The following CUX1 variants were observed in gnomAD, a reference collection of about 807,000 sequenced individuals.
CUX1 encodes cut like homeobox 1, also known as protein CASP.
CUX1 carries 31 observed loss-of-function variants against 158.8 expected under a neutral mutation model. The observed-to-expected ratio is 0.20, with a 90% CI of 0.15 to 0.26. The LOEUF (loss-of-function observed/expected upper bound fraction) is 0.26, where lower values mean the gene tolerates loss of function less well. Among genes scored for constraint, CUX1 ranks in the 10% least tolerant of loss-of-function variants. The pLI, the probability that CUX1 is intolerant of heterozygous loss-of-function variation, is 1.00. For missense variants in CUX1, 1,589 were observed against 2,014.6 expected, an observed-to-expected ratio of 0.79 and a Z score of 4.04; for synonymous variants, 879 against 862.1, an observed-to-expected ratio of 1.02 and a Z score of -0.34.
rs1024219535 is a variant in CUX1 at position 102,121,416 on chromosome 7, G to A, written c.674+6143G>A. ...GCTGGAGTGCAGTGGCACGATCTTGGCTCACGGCATCCTCCGCCTCCCGGG... is the reference window on the plus strand; with the variant it reads ...GCTGGAGTGCAGTGGCACGATCTTGACTCACGGCATCCTCCGCCTCCCGGG... On this transcript the variant is annotated intron_variant, in intron 8 of 23. Transcript: ENST00000292535. 8.6e-5 allele frequency among the ~76,000 whole-genome samples: 13 copies of A among 151,872 alleles called. No individual in the cohort carries two copies. The Middle Eastern group carries it at 0.014, about 160-fold the overall frequency.
At chr7:102,123,353 TA>T (rs782552371) in intron 8 of CUX1, among the ~76,000 whole-genome samples, 20 of 152,114 alleles carry the variant, frequency 1.3e-4, no homozygotes, top group Non-Finnish European at 1.9e-4. Flanking sequence ...CTCATGCCTG[TA>T]ATCCCAGCAC....
chr7:102,017,764 T>C (rs1818821037), intron 2 of CUX1, among the ~76,000 whole-genome samples: 2 of 152,048 alleles, frequency 1.3e-5, no homozygotes, highest in African/African-American at 4.8e-5. Context: ...TGAGAATCGC[T>C]TGAGCCTGGG....
intron 2 of CUX1, among the ~76,000 whole-genome samples, chr7:101,964,957 C>T (rs1394222763): frequency 6.6e-6 from 1 of 152,172 alleles, no homozygotes; most frequent in Non-Finnish European, 1.5e-5. Context: ...TTTCTCTTTC[C>T]AACACCAGTG....
At chr7:102,237,336 T>C (rs1479468844) in intron 22 of CUX1, among the ~76,000 whole-genome samples, 4 of 152,018 alleles carry the variant, frequency 2.6e-5, no homozygotes, top group Admixed American at 2.0e-4. Flanking sequence ...CAAGTGATCC[T>C]CCCGTCCCAG....
At chr7:102,283,807 A>C (rs8950) in exon 23 of CUX1, 137,262 of 152,432 alleles carry the variant, frequency 0.9, 62,000 homozygotes, top group African/African-American at 0.97. Flanking sequence ...ATGGATTGGT[A>C]TGAGGGGTCT....
intron 8 of CUX1, among the ~76,000 whole-genome samples, chr7:102,142,062 G>T (rs1554500507): frequency 1.3e-5 from 2 of 152,104 alleles, no homozygotes; most frequent in African/African-American, 2.4e-5. Context: ...ATGCCCTTGA[G>T]CCCATGCACC....
chr7:101,969,925 T>G (rs1451654982), intron 2 of CUX1, among the ~76,000 whole-genome samples: 1 of 150,726 alleles, frequency 6.6e-6, no homozygotes, highest in Non-Finnish European at 1.5e-5. Flanking sequence ...CACGGTCCCC[T>G]TTCTCCTTCC....
intron 1 of CUX1, among the ~76,000 whole-genome samples, chr7:101,826,767 G>A (rs894684634): frequency 6.6e-6 from 1 of 152,060 alleles, no homozygotes; most frequent in Non-Finnish European, 1.5e-5. Flanking sequence ...CAGAACAGTC[G>A]TGGGGTGGCC....
chr7:102,078,322 C>T (rs11772492), intron 4 of CUX1, among the ~76,000 whole-genome samples: 2 of 152,110 alleles, frequency 1.3e-5, no homozygotes, highest in African/African-American at 2.4e-5. Context: ...GCAATCCTCC[C>T]GCCTCGGCCT....
chr7:101,891,860 A>G (rs1800906782), intron 1 of CUX1, among the ~76,000 whole-genome samples: 1 of 152,212 alleles, frequency 6.6e-6, no homozygotes, highest in Non-Finnish European at 1.5e-5. Context: ...TGGGTATTGA[A>G]TTTCTGTGTG....
Position 101,914,822 on chromosome 7 carries a change from G to A in CUX1, c.31-1293G>A, listed in dbSNP as rs574605503. On this transcript the variant is annotated intron_variant, in intron 1 of 23. Transcript: ENST00000292535. ...CCTGTCCATGATTTGTAAGTTGACA[G>A]CATGATTTCATCCCATCCGGCATGG... 5.3e-5 allele frequency among the ~76,000 whole-genome samples: 8 copies of A among 152,226 alleles called. No homozygotes were observed. In the South Asian group the frequency reaches 1.7e-3, roughly 32 times the overall value.
At chr7:102,082,918 G>A (rs1210206352) in intron 4 of CUX1, among the ~76,000 whole-genome samples, 1 of 147,718 alleles carries the variant, frequency 6.8e-6, no homozygotes, top group Non-Finnish European at 1.5e-5. Flanking sequence ...TCATGGAGAA[G>A]TTGTTACATA....
At chr7:102,001,960 A>G (rs1445248457) in intron 2 of CUX1, among the ~76,000 whole-genome samples, 4 of 152,170 alleles carry the variant, frequency 2.6e-5, no homozygotes, top group Non-Finnish European at 5.9e-5. Flanking sequence ...TTGATTTACA[A>G]CTGTGACTAA....
intron 8 of CUX1, among the ~76,000 whole-genome samples, chr7:102,152,692 G>A (rs868972081): frequency 2.0e-5 from 3 of 152,154 alleles, no homozygotes; most frequent in Admixed American, 6.5e-5. Context: ...GCATCTGGCC[G>A]ACTTTTAAAA....
intron 2 of CUX1, among the ~76,000 whole-genome samples, chr7:102,013,993 A>G (rs1358502001): frequency 6.6e-6 from 1 of 152,144 alleles, no homozygotes; most frequent in Non-Finnish European, 1.5e-5. Context: ...GCATGCATCA[A>G]CATGCCCAGC....
At chr7:102,028,659 C>G (rs1820343532) in intron 3 of CUX1, among the ~76,000 whole-genome samples, 1 of 152,204 alleles carries the variant, frequency 6.6e-6, no homozygotes, top group Admixed American at 6.5e-5. Context: ...TCTAACGGAT[C>G]CTTCCAGAGA....
intron 1 of CUX1, among the ~76,000 whole-genome samples, chr7:101,890,994 T>G (rs1189717595): frequency 6.6e-6 from 1 of 152,098 alleles, no homozygotes; most frequent in Non-Finnish European, 1.5e-5. Flanking sequence ...AGGATTTTTT[T>G]TTTGAGCGGG....
At chr7:102,242,694 T>A (rs1554535358) in intron 23 of CUX1, among the ~76,000 whole-genome samples, 1 of 152,198 alleles carries the variant, frequency 6.6e-6, no homozygotes, top group Non-Finnish European at 1.5e-5. Flanking sequence ...TCCCTGGCCC[T>A]GCTGGAGCCA....
In CUX1 at chr7:102,248,630, C is replaced by CGGCGGAGCA. The variant is rs1801091248; in HGVS notation, c.4108_4116dup (p.Ala1370_Gln1372dup). ...GCCGAGCGGGAGGAGGTGCCGCGGC[C>CGGCGGAGCA]GGCGGAGCAGACGGAGCCGCCGCCC... On this transcript the variant is annotated inframe_insertion, in exon 24 of 24. Coordinates refer to ENST00000292535, the MANE Select transcript of CUX1 (RefSeq NM_181552.4). The surrounding 1 kb of genome is among the most constrained non-coding windows in gnomAD (Gnocchi z 5.8). 7.1e-7 allele frequency: 1 copy of CGGCGGAGCA among 1,417,148 alleles called. No homozygotes were observed. Among genetic ancestry groups the CGGCGGAGCA allele is most frequent in the African/African-American group, 1.5e-5 (1 of 65,340 alleles). The allele number at this position is 1,417,148 out of a possible 1,614,324, so 87.8% of individuals were successfully genotyped here.
Sources: allele counts gnomAD v4.1 joint callset (sites outside exome capture counted in the v4.1 genomes callset), GRCh38; gene constraint gnomAD v4.1.1; non-coding constraint Gnocchi (gnomAD v3.1); transcripts MANE v1.5; gene names NCBI Gene and HGNC (gene_info 2026-07-23, HGNC 2026-07-21).